The following CCNH variants were observed in gnomAD, a reference collection of about 807,000 sequenced individuals.
CCNH encodes the protein cyclin-H.
In CCNH, 31 loss-of-function variants were observed where a neutral mutation model predicts 41.9. That is an observed-to-expected ratio of 0.74 (90% CI 0.56 to 1.00). CCNH has a LOEUF of 1.00. CCNH is among the 50% of genes least tolerant of loss of function. CCNH has a pLI of 0.00. For missense variants in CCNH, 362 were observed against 388.4 expected (o/e 0.93, Z 0.57); for synonymous variants, 138 against 136.1 (o/e 1.01, Z -0.10).
chr5:87,380,551 G>T, upstream of CCNH: 1 of 1,613,412 alleles, frequency 6.2e-7, no homozygotes, highest in Non-Finnish European at 8.5e-7. Flanking sequence ...AATCTGTTCA[G>T]CATAAGTGGC....
Position 87,409,353 on chromosome 5 carries a change from C to CA in CCNH, c.250dup (p.Cys84LeufsTer10), listed in dbSNP as rs1561357323. 6.6e-7 allele frequency: 1 copy of CA among 1,523,864 alleles called. No individual in the cohort carries two copies. The highest frequency in any genetic ancestry group is 1.2e-5 in the South Asian group (1 of 84,670). 94.4% of individuals were successfully genotyped at this position (1,523,864 alleles called of 1,614,324 possible). ...AAGATAAAAACGTTTGAAATACATA[C>CA]AAGCCGTACCCTAAGGGTTAAAAAA... On this transcript the variant is annotated frameshift_variant, in exon 3 of 9. Transcript: ENST00000256897. LOFTEE classifies it high-confidence loss of function.
chr5:87,393,347 T>C (rs916521689), downstream of CCNH: 1 of 152,142 alleles, frequency 6.6e-6, no homozygotes, highest in Non-Finnish European at 1.5e-5. Flanking sequence ...ACAGTTTGGT[T>C]CCAATTATAA....
chr5:87,395,983 A>G (rs560189226), intron 7 of CCNH, among the ~76,000 whole-genome samples: 2 of 152,092 alleles, frequency 1.3e-5, no homozygotes, highest in Admixed American at 6.5e-5. Context: ...AATAAGTACA[A>G]TCAGCCTTCT....
At position 87,362,482 on chromosome 5, in the gene CCNH, CT is replaced by C; in HGVS notation, c.*90+30287del. Reference sequence around the variant, plus strand: ...TAAGCGCTTTGGCTTTTAATTGGTACTTTTATAGATTTTTACTTCATTTCCA... The same window carrying C: ...TAAGCGCTTTGGCTTTTAATTGGTACTTTATAGATTTTTACTTCATTTCCA... On this transcript the variant is annotated intron_variant and NMD_transcript_variant, in intron 9 of 9. Coordinates refer to the CCNH transcript ENST00000645953. 4.0e-6 allele frequency: 6 copies of C among 1,489,694 alleles called. No homozygotes were observed. In the South Asian group the frequency reaches 7.0e-5, roughly 17 times the overall value. The allele number at this position is 1,489,694 out of a possible 1,614,324, so 92.3% of individuals were successfully genotyped here. A position where few individuals can be genotyped will look rare whatever the true frequency, so the allele number is the denominator to read the frequency against.
rs1240397247 is a variant in CCNH, at chr5:87,338,520, TATATATATATATAAAA to T, written c.*91-19639_*91-19624del. ...CTAATTTTATATATATATATATATATATATATATATATAAAATTTTTTTTTTTTTTAAGTAGAAATG... is the reference window on the plus strand; with the variant it reads ...CTAATTTTATATATATATATATATATTTTTTTTTTTTTTTAAGTAGAAATG... On this transcript the variant is annotated intron_variant and NMD_transcript_variant, in intron 9 of 9. Coordinates refer to the CCNH transcript ENST00000645953. Among the ~76,000 whole-genome samples, 34 of 100,880 alleles carry T rather than the reference TATATATATATATAAAA, an allele frequency of 3.4e-4. 2 individuals carry two copies. The highest frequency in any genetic ancestry group is 1.6e-3 in the East Asian group (5 of 3,208). 66.2% of individuals were successfully genotyped at this position (100,880 alleles called of 152,430 possible).
chr5:87,387,602 A>G (rs965936711), downstream of CCNH, among the ~76,000 whole-genome samples: 3 of 152,144 alleles, frequency 2.0e-5, no homozygotes, highest in Non-Finnish European at 4.4e-5. Flanking sequence ...GGTGTAAGGC[A>G]TGGCATTAGG....
chr5:87,376,248 A>G, downstream of CCNH: 1 of 899,058 alleles, frequency 1.1e-6, no homozygotes, highest in Non-Finnish European at 1.7e-6. Context: ...AAACAACTAA[A>G]TATTGAATTT....
rs752701098 is a variant in CCNH, at chr5:87,399,510, G to A, written c.761-5C>T. On this transcript the variant is annotated splice_region_variant and splice_polypyrimidine_tract_variant and intron_variant, in intron 6 of 8. Transcript: ENST00000256897. The stretch of plus-strand genomic sequence containing the variant: ...TCTTTACTAAGTTTCTCATGCCTAT[G>A]TGGATACAAAAAAAGAATTTAAACT... 3 of 1,583,306 alleles carry A rather than the reference G, an allele frequency of 1.9e-6. No homozygotes were observed. The highest frequency in any genetic ancestry group is 2.7e-5 in the African/African-American group (2 of 74,544).
chr5:87,372,099 GT>G (rs2112479983), downstream of CCNH: 4 of 1,610,588 alleles, frequency 2.5e-6, no homozygotes, highest in East Asian at 8.9e-5. Context: ...TTTCTTTGAA[GT>G]GCTGTTTTTC....
chr5:87,380,687 T>C (rs560212566), upstream of CCNH: 1 of 1,189,990 alleles, frequency 8.4e-7, no homozygotes, highest in South Asian at 1.2e-5. Flanking sequence ...TCAATGCTTT[T>C]TTCTTTGGCT....
At chr5:87,406,855 C>G (rs940529290) in intron 4 of CCNH, among the ~76,000 whole-genome samples, 7 of 152,140 alleles carry the variant, frequency 4.6e-5, no homozygotes, top group Non-Finnish European at 1.0e-4. Context: ...CTGACACATA[C>G]AGATGCGCGA....
At chr5:87,391,283 T>A (rs916766339), downstream of CCNH, 3 of 378,064 alleles carry the variant, frequency 7.9e-6, no homozygotes, top group Non-Finnish European at 1.5e-5. Context: ...CACATTCTTA[T>A]TGACAATTGT....
chr5:87,408,229 G>C (rs1158594805), intron 3 of CCNH, 43 bp from the exon 4 acceptor site: 3 of 951,198 alleles, frequency 3.2e-6, no homozygotes, highest in Non-Finnish European at 4.8e-6. Flanking sequence ...GGGTGGGTGG[G>C]GTGGAAGAAC....
In CCNH at chr5:87,399,273, A is replaced by G. The variant is rs1423228153; in HGVS notation, c.872+121T>C. ...TTAGAAATGTCCATTCAATAAAGAA[A>G]ATCTGATTTTATGGATCAGTCAGCT... On this transcript the variant is annotated intron_variant, in intron 7 of 8. Coordinates refer to ENST00000256897, the MANE Select transcript of CCNH (RefSeq NM_001239.4). 9.6e-6 allele frequency: 7 copies of G among 729,684 alleles called. No homozygotes were observed. In the East Asian group the frequency reaches 1.5e-4, roughly 15 times the overall value. The allele number at this position is 729,684 out of a possible 1,614,324, so 45.2% of individuals were successfully genotyped here. A position where few individuals can be genotyped will look rare whatever the true frequency, so the allele number is the denominator to read the frequency against.
Position 87,394,275 on chromosome 5 carries a change from C to T in CCNH, c.*171G>A. The T allele has an allele frequency of 5.3e-6, 7 of 1,322,024 alleles. No individual in the cohort carries two copies. The South Asian group carries it at 1.2e-4, about 22-fold the overall frequency. The allele number at this position is 1,322,024 out of a possible 1,614,324, so 81.9% of individuals were successfully genotyped here. On this transcript the variant is annotated 3_prime_UTR_variant, in exon 9 of 9. Transcript: ENST00000256897. ...ATTCAAAACAGGTGCTATTCTAGCT[C>T]TTTTGAAGATGGTTTATTTTACATA... is the stretch of plus-strand genomic sequence containing the variant.
chr5:87,390,304 G>A (rs1406474321), downstream of CCNH, among the ~76,000 whole-genome samples: 1 of 152,140 alleles, frequency 6.6e-6, no homozygotes, highest in Non-Finnish European at 1.5e-5. Context: ...GATAGTGAAT[G>A]CTGTCACCGC....
chr5:87,396,359 C>T (rs1356262722), intron 7 of CCNH, among the ~76,000 whole-genome samples: 2 of 152,118 alleles, frequency 1.3e-5, no homozygotes, highest in African/African-American at 2.4e-5. Flanking sequence ...CAGTGGCTCA[C>T]GCCTGTAATC....
downstream of CCNH, chr5:87,391,217 T>G (rs950805863): frequency 4.6e-6 from 2 of 438,786 alleles, no homozygotes; most frequent in African/African-American, 3.9e-5. Flanking sequence ...GTACACCCAG[T>G]TGCCAAAGTT....
At chr5:87,383,570 G>A in intron 9 of CCNH, 1 of 583,818 alleles carries the variant, frequency 1.7e-6, no homozygotes, top group African/African-American at 1.9e-5. Context: ...AGCTTTCTGT[G>A]TCTGGGCTTT....
Sources: allele counts gnomAD v4.1 joint callset (sites outside exome capture counted in the v4.1 genomes callset), GRCh38; gene constraint gnomAD v4.1.1; transcripts MANE v1.5; gene names NCBI Gene and HGNC (gene_info 2026-07-23, HGNC 2026-07-21).